MORC1: variants seen among roughly 807,000 people sequenced by gnomAD.
MORC1 encodes MORC family CW-type zinc finger protein 1.
MORC1 carries 59 observed loss-of-function variants against 134.9 expected under a neutral mutation model. The ratio of observed to expected loss-of-function variants is 0.44; its 90% CI spans 0.35 to 0.54. MORC1 has a LOEUF of 0.54. Ranked by LOEUF, MORC1 falls within the 20% of genes least tolerant of loss-of-function variation. The pLI is 0.00. For synonymous variants in MORC1, 395 were observed against 391.7 expected, an observed-to-expected ratio of 1.01 and a Z score of -0.10; for missense variants, 947 against 1,134.5, an observed-to-expected ratio of 0.83 and a Z score of 2.37.
chr3:109,012,708 C>A (rs1406494055), intron 17 of MORC1, among the ~76,000 whole-genome samples: 1 of 152,166 alleles, frequency 6.6e-6, no homozygotes, highest in Non-Finnish European at 1.5e-5. Context: ...CAATTTCCAA[C>A]TGTTTGCTAA....
At chr3:108,983,216 A>C (rs1025952459) in intron 23 of MORC1, among the ~76,000 whole-genome samples, 13 of 152,198 alleles carry the variant, frequency 8.5e-5, no homozygotes, top group Non-Finnish European at 1.5e-4. Flanking sequence ...CTGGGGAAAA[A>C]AAGTTACATC....
At chr3:109,088,523 C>T (rs1223732092) in intron 8 of MORC1, among the ~76,000 whole-genome samples, 1 of 152,036 alleles carries the variant, frequency 6.6e-6, no homozygotes, top group Non-Finnish European at 1.5e-5. Context: ...TACCATCTCA[C>T]ACCAGTCAGA....
intron 24 of MORC1, among the ~76,000 whole-genome samples, chr3:108,975,587 T>C (rs1310469175): frequency 6.6e-6 from 1 of 152,150 alleles, no homozygotes; most frequent in Non-Finnish European, 1.5e-5. Flanking sequence ...ACTTAAGTGT[T>C]ATATAATGCT....
At chr3:109,061,139 A>G (rs1387073846) in intron 11 of MORC1, among the ~76,000 whole-genome samples, 2 of 152,164 alleles carry the variant, frequency 1.3e-5, no homozygotes, top group Non-Finnish European at 2.9e-5. Flanking sequence ...TTGGTCCTGG[A>G]AAGTCAAATG....
intron 6 of MORC1, among the ~76,000 whole-genome samples, 174 bp from the exon 7 acceptor site, chr3:109,095,242 C>G (rs1440175825): frequency 6.6e-6 from 1 of 152,036 alleles, no homozygotes; most frequent in African/African-American, 2.4e-5. Flanking sequence ...TGTGTATAGA[C>G]AGGATTGTAT....
At position 109,035,495 on chromosome 3, in the gene MORC1, A is replaced by G. The variant is rs1229785449; in HGVS notation, c.1331-27T>C. The G allele has an allele frequency of 3.0e-6, 4 of 1,346,936 alleles. No homozygotes were observed. In the East Asian group the frequency reaches 8.0e-5, roughly 27 times the overall value. The allele number at this position is 1,346,936 out of a possible 1,614,324, so 83.4% of individuals were successfully genotyped here. A position where few individuals can be genotyped will look rare whatever the true frequency, so the allele number is the denominator to read the frequency against. On this transcript the variant is annotated intron_variant, in intron 14 of 27. Coordinates refer to ENST00000232603, the MANE Select transcript of MORC1 (RefSeq NM_014429.4). ...TTTTAAAAAAAAAAGCAGGCAAAGA[A>G]TAACAAAAAAAAATCATTAAAATCA... is the stretch of plus-strand genomic sequence containing the variant.
chr3:108,984,685 C>G (rs1187595523), intron 23 of MORC1, 31 bp downstream of exon 23: 2 of 1,484,042 alleles, frequency 1.3e-6, no homozygotes, highest in Non-Finnish European at 1.8e-6. Flanking sequence ...ATTGCACTCA[C>G]TTGGAATTTG....
intron 17 of MORC1, among the ~76,000 whole-genome samples, chr3:109,015,420 T>G (rs1576634328): frequency 1.3e-5 from 2 of 152,140 alleles, no homozygotes; most frequent in East Asian, 3.9e-4. Flanking sequence ...GTGCACCATA[T>G]CCTTAAGAAT....
chr3:109,070,221 T>C (rs1950287408), intron 8 of MORC1, among the ~76,000 whole-genome samples: 1 of 152,028 alleles, frequency 6.6e-6, no homozygotes. Context: ...TTCAAAATTA[T>C]GAACAAGAAA....
At chr3:109,072,968 C>CACACAT (rs1950350761) in intron 8 of MORC1, among the ~76,000 whole-genome samples, 1 of 22,302 alleles carries the variant, frequency 4.5e-5, no homozygotes, top group East Asian at 9.6e-3. Context: ...CACACACATA[C>CACACAT]ACACACACAC....
chr3:109,021,470 G>C (rs1272192434), intron 17 of MORC1, among the ~76,000 whole-genome samples: 1 of 152,184 alleles, frequency 6.6e-6, no homozygotes, highest in Non-Finnish European at 1.5e-5. Flanking sequence ...CAAAGCTATT[G>C]CTGTCCTTCT....
chr3:109,009,996 T>C (rs970411212), intron 17 of MORC1, among the ~76,000 whole-genome samples: 5 of 152,210 alleles, frequency 3.3e-5, no homozygotes, highest in African/African-American at 4.8e-5. Flanking sequence ...AAGCAATTCT[T>C]TCCTAATTTC....
intron 4 of MORC1, among the ~76,000 whole-genome samples, chr3:109,102,342 A>T (rs1323296212): frequency 6.6e-6 from 1 of 152,142 alleles, no homozygotes; most frequent in African/African-American, 2.4e-5. Context: ...AAATTGTATT[A>T]AGTAATGGAA....
chr3:109,099,590 G>C lies in MORC1; in HGVS notation c.315-124C>G, dbSNP rs951639833. On this transcript the variant is annotated intron_variant, in intron 5 of 27. Transcript: ENST00000232603. The stretch of plus-strand genomic sequence containing the variant: ...TTCCAACACTCTGTTCTGCTGACCC[G>C]TCATCAAGAGGGTACAATTTTTTTT... 56 of 643,536 alleles carry C rather than the reference G, an allele frequency of 8.7e-5. 2 individuals carry two copies. The highest frequency in any genetic ancestry group is 5.6e-4 in the East Asian group (16 of 28,522). The allele number at this position is 643,536 out of a possible 1,614,324, so 39.9% of individuals were successfully genotyped here. A position where few individuals can be genotyped will look rare whatever the true frequency, so the allele number is the denominator to read the frequency against.
chr3:108,969,793 T>G, intron 25 of MORC1, 71 bp from the exon 26 acceptor site: 1 of 1,427,320 alleles, frequency 7.0e-7, no homozygotes, highest in South Asian at 1.2e-5. Context: ...CAGAGTTATA[T>G]CACACAAGCA....
intron 6 of MORC1, among the ~76,000 whole-genome samples, chr3:109,098,394 C>G (rs868722589): frequency 1.8e-4 from 28 of 152,162 alleles, no homozygotes; most frequent in African/African-American, 6.3e-4. Context: ...TACAGCATCA[C>G]TTTTCCTCAG....
chr3:109,020,385 T>C (rs570793605), intron 17 of MORC1, among the ~76,000 whole-genome samples: 2 of 152,256 alleles, frequency 1.3e-5, no homozygotes, highest in South Asian at 4.2e-4. Context: ...CAGGAGACCT[T>C]ACACCCTGGT....
intron 1 of MORC1, among the ~76,000 whole-genome samples, chr3:109,116,121 C>T (rs1951268132): frequency 6.6e-6 from 1 of 152,154 alleles, no homozygotes; most frequent in African/African-American, 2.4e-5. Context: ...TCATGCAGGG[C>T]TTCCTAGCCC....
intron 23 of MORC1, 152 bp downstream of exon 23, chr3:108,984,564 A>G (rs1947843409): frequency 5.3e-6 from 3 of 570,018 alleles, no homozygotes; most frequent in Non-Finnish European, 9.0e-6. Context: ...GTGTATTGCT[A>G]ATTCTTTCAC....
Sources: gnomAD v4.1 joint callset for allele counts (sites outside exome capture counted in the v4.1 genomes callset) on GRCh38, gnomAD v4.1.1 for gene constraint, MANE v1.5 for transcripts, NCBI Gene and HGNC (gene_info 2026-07-23, HGNC 2026-07-21) for gene names.